Variants in TRMU observed in about 807,000 individuals in gnomAD.
The protein encoded by TRMU is mitochondrial tRNA-specific 2-thiouridylase 1.
In TRMU, 49 loss-of-function variants were observed where a neutral mutation model predicts 46.9. The ratio of observed to expected loss-of-function variants is 1.05; its 90% CI spans 0.83 to 1.33. The LOEUF is 1.33. Among genes scored for constraint, TRMU ranks in the 40% most tolerant of loss-of-function variants. TRMU has a pLI of 0.00. For missense variants in TRMU, 572 were observed against 532.4 expected (o/e 1.07, Z -0.73); for synonymous variants, 241 against 200.9 (o/e 1.20, Z -1.69).
intron 2 of TRMU, among the ~76,000 whole-genome samples, 160 bp from the exon 3 acceptor site, chr22:46,343,102 T>C (rs531094136): frequency 1.3e-4 from 20 of 152,212 alleles, no homozygotes; most frequent in Non-Finnish European, 2.6e-4. Flanking sequence ...CAGCAGGTTA[T>C]AAACAAATGT....
At chr22:46,352,565 G>A (rs555831299) in intron 7 of TRMU, 69 of 604,260 alleles carry the variant, frequency 1.1e-4, no homozygotes, top group African/African-American at 8.7e-4. Context: ...TGAAAAGCGC[G>A]CCTCTGACTT....
At chr22:46,356,245 CA>C in intron 10 of TRMU, 173 bp downstream of exon 10, 1 of 662,254 alleles carries the variant, frequency 1.5e-6, no homozygotes, top group Non-Finnish European at 2.6e-6. Flanking sequence ...CCCACAGTGA[CA>C]ACTGTGAGAG....
intron 8 of TRMU, 66 bp from the exon 9 acceptor site, chr22:46,355,378 C>A (rs1343807116): frequency 1.3e-6 from 2 of 1,589,488 alleles, no homozygotes; most frequent in Non-Finnish European, 1.7e-6. Flanking sequence ...TCCCAGGGAC[C>A]ACACTGAGGC....
In TRMU at chr22:46,337,862, G is replaced by A; in HGVS notation, c.166G>A (p.Asp56Asn). The change falls in exon 2 of 11, where the codon GAT becomes AAT. Residue 56 changes from aspartate (D) to asparagine (N), a missense_variant. Transcript: ENST00000645190. ...GVCTADKDCE[D>N]AYRVCQILDI... ...CTGTACTGCCGACAAAGACTGTGAA[G>A]ATGCTTACAGAGTTTGCCAGATCTT... 1 of 1,614,258 alleles carries A rather than the reference G, an allele frequency of 6.2e-7. No individual in the cohort carries two copies. Among genetic ancestry groups the A allele is most frequent in the African/African-American group, 1.3e-5 (1 of 75,062 alleles).
At position 46,356,997 on chromosome 22, in the gene TRMU, C is replaced by T. The variant is rs2078633734; in HGVS notation, c.1257C>T (p.Pro419=). The T allele has an allele frequency of 6.2e-7, 1 of 1,613,542 alleles. No individual in the cohort carries two copies. The highest frequency in any genetic ancestry group is 8.5e-7 in the Non-Finnish European group (1 of 1,180,012). ...DSPEDGPGLS[P]LL ...CAGAAGATGGTCCAGGCCTGAGTCC[C>T]TTGCTCTGACAGAGATGGATCTGCT... Residue 419 remains proline, a synonymous_variant, in exon 11 of 11, where the codon CCC becomes CCT. Coordinates refer to ENST00000645190, the MANE Select transcript of TRMU (RefSeq NM_018006.5).
At chr22:46,341,353 C>T (rs1358238544) in intron 2 of TRMU, among the ~76,000 whole-genome samples, 1 of 151,858 alleles carries the variant, frequency 6.6e-6, no homozygotes, top group African/African-American at 2.4e-5. Context: ...AATGAGCTTC[C>T]TGGTAACTTT....
chr22:46,344,447 A>G (rs886965884), intron 3 of TRMU, among the ~76,000 whole-genome samples: 1 of 152,216 alleles, frequency 6.6e-6, no homozygotes, highest in African/African-American at 2.4e-5. Context: ...GAACTGTTGA[A>G]ATTACTTTGG....
chr22:46,335,966 G>T, intron 1 of TRMU, 120 bp downstream of exon 1: 2 of 1,481,406 alleles, frequency 1.4e-6, no homozygotes, highest in Admixed American at 4.3e-5. Context: ...CGCGCGGGTC[G>T]GCAGGAGGAT....
In TRMU at chr22:46,339,341, G is replaced by A. The variant is rs528531502; in HGVS notation, c.248+1397G>A. ...ATTTTTGTATTTTTAGTAGAGACAGGGTTTCGCCATGTTGGCCGGGCTAGT... is the reference window on the plus strand; with the variant it reads ...ATTTTTGTATTTTTAGTAGAGACAGAGTTTCGCCATGTTGGCCGGGCTAGT... On this transcript the variant is annotated intron_variant, in intron 2 of 10. Coordinates refer to ENST00000645190, the MANE Select transcript of TRMU (RefSeq NM_018006.5). The surrounding 1 kb of genome is among the most constrained non-coding windows in gnomAD (Gnocchi z 4.8). 4.6e-5 allele frequency among the ~76,000 whole-genome samples: 7 copies of A among 152,140 alleles called. No homozygotes were observed. Among genetic ancestry groups the A allele is most frequent in the Non-Finnish European group, 2.9e-5 (2 of 68,008 alleles).
rs117167960 is a variant in TRMU at position 46,349,383 on chromosome 22, C to T, written c.479-908C>T. ...AACGTGGGGAGAATTCTCCCTCTCA[C>T]GGCTAACGTGGGAATCGGCAGATGG... On this transcript the variant is annotated intron_variant, in intron 4 of 10. Coordinates refer to ENST00000645190, the MANE Select transcript of TRMU (RefSeq NM_018006.5). This position sits in a 1 kb window ranked among gnomAD's most constrained non-coding sequence, Gnocchi z 4.6. Among the ~76,000 whole-genome samples, 233 of 152,094 alleles carry T rather than the reference C, an allele frequency of 1.5e-3. 4 individuals are homozygous for T. In the East Asian group the frequency reaches 0.041, roughly 27 times the overall value.
At position 46,353,952 on chromosome 22, in the gene TRMU, C is replaced by T. The variant is rs767550364; in HGVS notation, c.873+85C>T. On this transcript the variant is annotated intron_variant, in intron 8 of 10. Coordinates refer to ENST00000645190, the MANE Select transcript of TRMU (RefSeq NM_018006.5). ...TCCAGACCAGGGCTTGAGAAGGCCTCCAGCAGCCGTGGCTTCCTGGAGGCT... is the reference window on the plus strand; with the variant it reads ...TCCAGACCAGGGCTTGAGAAGGCCTTCAGCAGCCGTGGCTTCCTGGAGGCT... The T allele has an allele frequency of 3.8e-6, 5 of 1,314,154 alleles. No individual in the cohort carries two copies. In the Admixed American group the frequency reaches 7.1e-5, roughly 19 times the overall value. 81.4% of individuals were successfully genotyped at this position (1,314,154 alleles called of 1,614,324 possible).
chr22:46,355,598 G>C lies in TRMU; in HGVS notation c.1018+10G>C. ...CACCAGATGGCACTAGGTGACTGAC[G>C]GGAGGGCTCCTGAGGACGGGCCCCT... On this transcript the variant is annotated intron_variant, in intron 9 of 10. Coordinates refer to ENST00000645190, the MANE Select transcript of TRMU (RefSeq NM_018006.5). The C allele has an allele frequency of 6.2e-7, 1 of 1,613,312 alleles. No homozygotes were observed. Among genetic ancestry groups the C allele is most frequent in the Non-Finnish European group, 8.5e-7 (1 of 1,180,030 alleles).
chr22:46,355,821 A>T (rs2078586614), intron 9 of TRMU, 169 bp from the exon 10 acceptor site: 1 of 993,028 alleles, frequency 1.0e-6, no homozygotes, highest in Non-Finnish European at 1.5e-6. Context: ...GCAAGTGTGT[A>T]CACTGCCCCG....
At position 46,355,485 on chromosome 22, in the gene TRMU, G is replaced by A. The variant is rs1418397219; in HGVS notation, c.915G>A (p.Leu305=). The part of the protein sequence containing the change: ...TDHPALYRDL[L]RTSRVHWIAE... ...ACCCAGCCCTGTACAGGGACCTGCT[G>A]AGGACCAGCCGCGTGCACTGGATTG... The change falls in exon 9 of 11, where the codon CTG becomes CTA. Residue 305 remains leucine, a synonymous_variant. Transcript: ENST00000645190. The A allele has an allele frequency of 2.5e-6, 4 of 1,613,258 alleles. No individual in the cohort carries two copies. Among genetic ancestry groups the A allele is most frequent in the Non-Finnish European group, 2.5e-6 (3 of 1,180,026 alleles).
Position 46,342,890 on chromosome 22 carries a change from G to T in TRMU, c.249-372G>T, listed in dbSNP as rs753367813. On this transcript the variant is annotated intron_variant, in intron 2 of 10. Transcript: ENST00000645190. The surrounding 1 kb of genome is among the most constrained non-coding windows in gnomAD (Gnocchi z 4.7). ...GGAGAATCTGCAAGGGAAGTCTAAA[G>T]GATTTCATTTCCACTGTCACTCAGG... 1.3e-5 allele frequency among the ~76,000 whole-genome samples: 2 copies of T among 152,246 alleles called. No homozygotes were observed. The highest frequency in any genetic ancestry group is 2.9e-5 in the Non-Finnish European group (2 of 68,046).
intron 10 of TRMU, 33 bp downstream of exon 10, chr22:46,356,105 A>C (rs986916676): frequency 6.2e-7 from 1 of 1,611,964 alleles, no homozygotes; most frequent in Non-Finnish European, 8.5e-7. Context: ...CCCGGGGAGG[A>C]CTGTACTGCT....
chr22:46,340,157 G>A (rs982617503), intron 2 of TRMU, among the ~76,000 whole-genome samples: 1 of 152,140 alleles, frequency 6.6e-6, no homozygotes, highest in Non-Finnish European at 1.5e-5. Context: ...GTCTGGGGGC[G>A]GCCCTGGAAT....
Position 46,339,159 on chromosome 22 carries a change from T to G in TRMU, c.248+1215T>G, listed in dbSNP as rs1210499510. On this transcript the variant is annotated intron_variant, in intron 2 of 10. Coordinates refer to ENST00000645190, the MANE Select transcript of TRMU (RefSeq NM_018006.5). This position sits in a 1 kb window ranked among gnomAD's most constrained non-coding sequence, Gnocchi z 4.8. Reference sequence around the variant, plus strand: ...TAAACATAGCTGTTTTTCTTTTCTATTTTTTTTTGAGACAGAGCCTCGCTC... The same window carrying G: ...TAAACATAGCTGTTTTTCTTTTCTAGTTTTTTTTGAGACAGAGCCTCGCTC... Among the ~76,000 whole-genome samples, 1 of 134,872 alleles carries G rather than the reference T, an allele frequency of 7.4e-6. No individual in the cohort carries two copies. Among genetic ancestry groups the G allele is most frequent in the African/African-American group, 3.8e-5 (1 of 26,326 alleles). 88.5% of individuals were successfully genotyped at this position (134,872 alleles called of 152,430 possible).
chr22:46,349,776 T>C lies in TRMU; in HGVS notation c.479-515T>C, dbSNP rs1349599205. Among the ~76,000 whole-genome samples, 9 of 152,158 alleles carry C rather than the reference T, an allele frequency of 5.9e-5. No individual in the cohort carries two copies. On this transcript the variant is annotated intron_variant, in intron 4 of 10. Coordinates refer to ENST00000645190, the MANE Select transcript of TRMU (RefSeq NM_018006.5). This position sits in a 1 kb window ranked among gnomAD's most constrained non-coding sequence, Gnocchi z 4.6. ...AAAACGTTTTTACCAAGAAAGCTAATGCCTTCACAGGTAGGGCGCTGCTGG... is the reference window on the plus strand; with the variant it reads ...AAAACGTTTTTACCAAGAAAGCTAACGCCTTCACAGGTAGGGCGCTGCTGG...
Sources: gnomAD v4.1 joint callset for allele counts (sites outside exome capture counted in the v4.1 genomes callset) on GRCh38, gnomAD v4.1.1 for gene constraint, Gnocchi (gnomAD v3.1) non-coding constraint, MANE v1.5 for transcripts, NCBI Gene and HGNC (gene_info 2026-07-23, HGNC 2026-07-21) for gene names.